The following SIPA1 variants were observed in gnomAD, a reference collection of about 807,000 sequenced individuals.
SIPA1 encodes signal-induced proliferation-associated protein 1.
Under a neutral mutation model 88.1 loss-of-function variants are expected in SIPA1, and 51 were observed. The ratio of observed to expected loss-of-function variants is 0.58; its 90% CI spans 0.46 to 0.73. The LOEUF (loss-of-function observed/expected upper bound fraction) is 0.73, where lower values mean the gene tolerates loss of function less well. Among genes scored for constraint, SIPA1 ranks in the 30% least tolerant of loss-of-function variants. The pLI, the probability that SIPA1 is intolerant of heterozygous loss-of-function variation, is 0.00. For missense variants in SIPA1, 1,348 were observed against 1,467.6 expected (o/e 0.92, Z 1.33); for synonymous variants, 681 against 664.8 (o/e 1.02, Z -0.37).
intron 1 of SIPA1, chr11:65,639,071 C>T (rs1350769334): frequency 2.0e-5 from 3 of 152,370 alleles, no homozygotes; most frequent in African/African-American, 7.2e-5. Flanking sequence ...CTCAGTCTCT[C>T]AGCAGCCTTG....
At position 65,644,987 on chromosome 11, in the gene SIPA1, C is replaced by T; in HGVS notation, c.1017C>T (p.Tyr339=). 1.2e-6 allele frequency: 2 copies of T among 1,613,886 alleles called. No homozygotes were observed. The highest frequency in any genetic ancestry group is 1.7e-6 in the Non-Finnish European group (2 of 1,179,820). The change falls in exon 5 of 16, where the codon TAC becomes TAT. Residue 339 remains tyrosine (Y), a synonymous_variant. Coordinates refer to ENST00000534313, the MANE Select transcript of SIPA1 (RefSeq NM_006747.4). ...TCCAACGCAAGGTGGGCATCCTGTA[C>T]TGCCGGGCGGGCCAGGGCTCGGAGG... ...LSFQRKVGIL[Y]CRAGQGSEEE...
chr11:65,647,893 C>T (rs1287008933), intron 9 of SIPA1, among the ~76,000 whole-genome samples: 2 of 147,444 alleles, frequency 1.4e-5, no homozygotes, highest in Non-Finnish European at 3.0e-5. Flanking sequence ...TTTTTTGAGA[C>T]GAAGTATCCC....
chr11:65,641,229 C>A lies in SIPA1; in HGVS notation c.308C>A (p.Pro103Gln), dbSNP rs761284231. 1 of 1,613,160 alleles carries A rather than the reference C, an allele frequency of 6.2e-7. No homozygotes were observed. Among genetic ancestry groups the A allele is most frequent in the Admixed American group, 1.7e-5 (1 of 60,034 alleles). The change falls in exon 2 of 16, where the codon CCA becomes CAA. Residue 103 changes from proline (P) to glutamine (Q), a missense_variant. Pro to Gln is a moderately conservative substitution (Grantham distance 76). Transcript: ENST00000534313. ...LALLGLPAEE[P>Q]EPAFPPVLEP... ...CTGCTGGGGCTGCCAGCAGAGGAAC[C>A]AGAGCCTGCCTTCCCACCAGTGCTT...
chr11:65,640,574 C>T (rs1309714341), intron 1 of SIPA1, among the ~76,000 whole-genome samples: 6 of 152,246 alleles, frequency 3.9e-5, no homozygotes, highest in South Asian at 2.1e-4. Context: ...GGGACCCTGG[C>T]AGTCCCAGGG....
In SIPA1 at chr11:65,646,429, C is replaced by T. The variant is rs772013696; in HGVS notation, c.1422-27C>T. ...TCCCGTGGGCATGGAGTCCTGCCGC[C>T]CCTCACTAACGCCTCCCTCCCCGCA... On this transcript the variant is annotated intron_variant, in intron 7 of 15. Coordinates refer to ENST00000534313, the MANE Select transcript of SIPA1 (RefSeq NM_006747.4). This position sits in a 1 kb window ranked among gnomAD's most constrained non-coding sequence, Gnocchi z 7.5. The T allele has an allele frequency of 1.3e-6, 2 of 1,595,178 alleles. No individual in the cohort carries two copies. The highest frequency in any genetic ancestry group is 1.7e-6 in the Non-Finnish European group (2 of 1,174,502).
At chr11:65,638,204 G>A (rs1294898629) in intron 1 of SIPA1, 22 bp downstream of exon 1, 1 of 152,436 alleles carries the variant, frequency 6.6e-6, no homozygotes, top group African/African-American at 2.4e-5. Context: ...AGCAGGGGAC[G>A]GGAGGCACTA....
At chr11:65,638,447 C>T (rs1855940736) in intron 1 of SIPA1, 1 of 152,890 alleles carries the variant, frequency 6.5e-6, no homozygotes, top group Non-Finnish European at 1.5e-5. Flanking sequence ...GCTCCTGACT[C>T]CTGGTGGCGG....
Position 65,649,270 on chromosome 11 carries a change from C to G in SIPA1, c.2315C>G (p.Ser772Trp). ...DESGRPRRSF[S>W]ELYTLSLQEP... ...CCTGTCCCACCCCACAGGAGTTTTT[C>G]GGAGCTGTACACGCTGTCGCTGCAG... Residue 772 changes from serine (S) to tryptophan (W), a missense_variant, in exon 10 of 16, where the codon TCG becomes TGG. Transcript: ENST00000534313. 6.6e-7 allele frequency: 1 copy of G among 1,522,000 alleles called. No homozygotes were observed. The highest frequency in any genetic ancestry group is 8.9e-7 in the Non-Finnish European group (1 of 1,127,976). 94.3% of individuals were successfully genotyped at this position (1,522,000 alleles called of 1,614,324 possible).
chr11:65,648,967 A>G (rs1460455270), intron 9 of SIPA1, among the ~76,000 whole-genome samples: 1 of 152,234 alleles, frequency 6.6e-6, no homozygotes, highest in Non-Finnish European at 1.5e-5. Context: ...TAAGCAATTT[A>G]CACGTGTTAT....
Position 65,641,383 on chromosome 11 carries a change from C to G in SIPA1, c.462C>G (p.Ala154=). The G allele has an allele frequency of 6.2e-7, 1 of 1,613,284 alleles. No individual in the cohort carries two copies. Among genetic ancestry groups the G allele is most frequent in the Non-Finnish European group, 8.5e-7 (1 of 1,180,016 alleles). ...TGGCTTCAGCCGAGGACCAGGCTGC[C>G]AGCTCGGACCTGCTGCATGGGGCAC... ...GTLASAEDQA[A]SSDLLHGAPG... is the part of the protein sequence containing the mutation. Residue 154 remains alanine, a synonymous_variant, in exon 2 of 16, where the codon GCC becomes GCG. Transcript: ENST00000534313.
At chr11:65,648,762 G>A (rs1856188881) in intron 9 of SIPA1, among the ~76,000 whole-genome samples, 1 of 152,032 alleles carries the variant, frequency 6.6e-6, no homozygotes, top group African/African-American at 2.4e-5. Flanking sequence ...GAACCCAGGA[G>A]GTGGAGGAGG....
chr11:65,641,878 C>T (rs1182730870), intron 2 of SIPA1, among the ~76,000 whole-genome samples: 1 of 152,206 alleles, frequency 6.6e-6, no homozygotes, highest in Non-Finnish European at 1.5e-5. Flanking sequence ...GGAGAGATTC[C>T]CTATGGGCTT....
Position 65,649,160 on chromosome 11 carries a change from T to G in SIPA1, c.2307-102T>G, listed in dbSNP as rs916573550. The G allele has an allele frequency of 5.0e-6, 4 of 803,416 alleles. No homozygotes were observed. The Admixed American group carries it at 1.2e-4, about 25-fold the overall frequency. The allele number at this position is 803,416 out of a possible 1,614,324, so 49.8% of individuals were successfully genotyped here. On this transcript the variant is annotated intron_variant, in intron 9 of 15. Transcript: ENST00000534313. ...CACTGTTGTCAGGATGCCGGGGAGC[T>G]CTCCTGCTCCTGGAAGTGAGCCTGG...
rs757618339 is a variant in SIPA1, at chr11:65,650,506, A to G, written c.2982+27A>G. 2.5e-6 allele frequency: 4 copies of G among 1,613,370 alleles called. No homozygotes were observed. In the East Asian group the frequency reaches 8.9e-5, roughly 36 times the overall value. On this transcript the variant is annotated intron_variant, in intron 15 of 15. Transcript: ENST00000534313. ...TGAGGGGTGGGCTGAGCTTGGGGGG[A>G]GTCACAGGGCTGCCCCAGGAAAGGG...
At position 65,642,483 on chromosome 11, in the gene SIPA1, C is replaced by T; in HGVS notation, c.828C>T (p.Thr276=). The change falls in exon 4 of 16, where the codon ACC becomes ACT. Residue 276 remains threonine (T), a synonymous_variant. Transcript: ENST00000534313. This position sits in a 1 kb window ranked among gnomAD's most constrained non-coding sequence, Gnocchi z 6.5. ...RTTQLRTLRG[T]ISEDALPPGP... ...CTCAGCTCCGGACACTCCGTGGCACCATCTCGGAGGACGCGCTGCCGCCGG... is the reference window on the plus strand; with the variant it reads ...CTCAGCTCCGGACACTCCGTGGCACTATCTCGGAGGACGCGCTGCCGCCGG... 6.2e-7 allele frequency: 1 copy of T among 1,611,756 alleles called. No individual in the cohort carries two copies. Among genetic ancestry groups the T allele is most frequent in the Non-Finnish European group, 8.5e-7 (1 of 1,179,620 alleles).
chr11:65,649,569 C>T lies in SIPA1; in HGVS notation c.2534C>T (p.Ser845Leu), dbSNP rs376217450. 19 of 1,613,980 alleles carry T rather than the reference C, an allele frequency of 1.2e-5. 1 individual carries two copies. Among genetic ancestry groups the T allele is most frequent in the Admixed American group, 6.7e-5 (4 of 60,004 alleles). The change falls in exon 11 of 16, where the codon TCG (serine) becomes TTG (leucine). Residue 845 changes from serine to leucine, a missense_variant. Coordinates refer to ENST00000534313, the MANE Select transcript of SIPA1 (RefSeq NM_006747.4). ...ACCCCTGCTCTCCCCAGCTCTCTGT[C>T]GGATGAGGCCCCAGTCCTGCCCAAC... is the stretch of plus-strand genomic sequence containing the variant. Reference protein sequence around the residue: ...QNSLSPRSSLSDEAPVLPNTT... With the variant: ...QNSLSPRSSLLDEAPVLPNTT...
rs1314351667 is a variant in SIPA1 at position 65,642,432 on chromosome 11, C to T, written c.808-31C>T. The T allele has an allele frequency of 1.9e-6, 3 of 1,605,178 alleles. No individual in the cohort carries two copies. In the South Asian group the frequency reaches 3.3e-5, roughly 18 times the overall value. On this transcript the variant is annotated intron_variant, in intron 3 of 15. Coordinates refer to ENST00000534313, the MANE Select transcript of SIPA1 (RefSeq NM_006747.4). This position sits in a 1 kb window ranked among gnomAD's most constrained non-coding sequence, Gnocchi z 6.5. Reference sequence around the variant, plus strand: ...GGTTGCCTCCCCGACACCTTGTATGCATCCTGAGTGCCCTTACACCCCTTC... The same window carrying T: ...GGTTGCCTCCCCGACACCTTGTATGTATCCTGAGTGCCCTTACACCCCTTC...
At position 65,642,187 on chromosome 11, in the gene SIPA1, G is replaced by A. The variant is rs1198777529; in HGVS notation, c.680-63G>A. ...AGGGCGGGGCTTAGTGATGCGCGTGGTCGAGCGGGGGCGGGGCTGCCAGAG... is the reference window on the plus strand; with the variant it reads ...AGGGCGGGGCTTAGTGATGCGCGTGATCGAGCGGGGGCGGGGCTGCCAGAG... On this transcript the variant is annotated intron_variant, in intron 2 of 15. Transcript: ENST00000534313. This position sits in a 1 kb window ranked among gnomAD's most constrained non-coding sequence, Gnocchi z 6.5. 3 of 1,531,870 alleles carry A rather than the reference G, an allele frequency of 2.0e-6. No homozygotes were observed. Among genetic ancestry groups the A allele is most frequent in the Non-Finnish European group, 8.8e-7 (1 of 1,141,566 alleles). 94.9% of individuals were successfully genotyped at this position (1,531,870 alleles called of 1,614,324 possible). A position where few individuals can be genotyped will look rare whatever the true frequency, so the allele number is the denominator to read the frequency against.
Position 65,649,572 on chromosome 11 carries a change from A to G in SIPA1, c.2537A>G (p.Asp846Gly). Residue 846 changes from aspartate (D) to glycine (G), a missense_variant, in exon 11 of 16, where the codon GAT becomes GGT. Physicochemically the swap from Asp to Gly is moderately conservative, Grantham distance 94. Coordinates refer to ENST00000534313, the MANE Select transcript of SIPA1 (RefSeq NM_006747.4). The stretch of plus-strand genomic sequence containing the variant: ...CCTGCTCTCCCCAGCTCTCTGTCGG[A>G]TGAGGCCCCAGTCCTGCCCAACACC... Reference protein sequence around the residue: ...NSLSPRSSLSDEAPVLPNTTP... With the variant: ...NSLSPRSSLSGEAPVLPNTTP... The G allele has an allele frequency of 6.2e-7, 1 of 1,614,000 alleles. No homozygotes were observed. Among genetic ancestry groups the G allele is most frequent in the South Asian group, 1.1e-5 (1 of 91,086 alleles).
Sources: allele counts gnomAD v4.1 joint callset (sites outside exome capture counted in the v4.1 genomes callset), GRCh38; gene constraint gnomAD v4.1.1; non-coding constraint Gnocchi (gnomAD v3.1); transcripts MANE v1.5; gene names NCBI Gene and HGNC (gene_info 2026-07-23, HGNC 2026-07-21).